Variants in LRRC4C observed in about 807,000 individuals in gnomAD.
The protein encoded by LRRC4C is leucine-rich repeat-containing protein 4C.
LRRC4C carries 5 observed loss-of-function variants against 33.6 expected under a neutral mutation model. The observed-to-expected ratio is 0.15, with a 90% CI of 0.08 to 0.31. LRRC4C has a LOEUF of 0.31. Among genes scored for constraint, LRRC4C ranks in the 10% least tolerant of loss-of-function variants. The pLI, the probability that LRRC4C is intolerant of heterozygous loss-of-function variation, is 1.00. For synonymous variants in LRRC4C, 329 were observed against 302.0 expected (o/e 1.09, Z -0.93); for missense variants, 560 against 796.7 (o/e 0.70, Z 3.58).
At chr11:41,001,628 C>T (rs1273124899) in intron 1 of LRRC4C, among the ~76,000 whole-genome samples, 2 of 152,028 alleles carry the variant, frequency 1.3e-5, no homozygotes, top group South Asian at 2.1e-4. Flanking sequence ...AAAAAATCCA[C>T]CCACATTGCA....
chr11:40,878,260 A>C (rs562922880), intron 2 of LRRC4C, among the ~76,000 whole-genome samples: 1 of 152,248 alleles, frequency 6.6e-6, no homozygotes, highest in South Asian at 2.1e-4. Flanking sequence ...CACCTGCCAC[A>C]GTAAAGCCTG....
chr11:40,929,283 G>T (rs1261738813), intron 2 of LRRC4C, among the ~76,000 whole-genome samples: 1 of 152,002 alleles, frequency 6.6e-6, no homozygotes, highest in Non-Finnish European at 1.5e-5. Flanking sequence ...GTTTATCAAG[G>T]TCTAAAAGAG....
At chr11:40,201,779 A>T (rs771260951) in intron 5 of LRRC4C, among the ~76,000 whole-genome samples, 1 of 152,210 alleles carries the variant, frequency 6.6e-6, no homozygotes, top group Non-Finnish European at 1.5e-5. Context: ...CCACAGCTAC[A>T]TGGGGAAAGA....
chr11:41,091,815 T>C (rs1265731063), intron 1 of LRRC4C, among the ~76,000 whole-genome samples: 1 of 152,162 alleles, frequency 6.6e-6, no homozygotes, highest in Non-Finnish European at 1.5e-5. Flanking sequence ...TAATTTAAGT[T>C]GGACCAATGT....
At chr11:40,243,308 A>G (rs1404366112) in intron 4 of LRRC4C, among the ~76,000 whole-genome samples, 2 of 152,324 alleles carry the variant, frequency 1.3e-5, no homozygotes, top group East Asian at 3.9e-4. Context: ...TGGGCCCAAC[A>G]TAAGCTAAGG....
intron 2 of LRRC4C, among the ~76,000 whole-genome samples, chr11:40,924,746 A>G (rs1957343008): frequency 6.6e-6 from 1 of 152,122 alleles, no homozygotes; most frequent in Admixed American, 6.5e-5. Flanking sequence ...TTGAAATATC[A>G]TATATATATC....
intron 3 of LRRC4C, among the ~76,000 whole-genome samples, chr11:40,634,941 A>G (rs1023459265): frequency 6.6e-6 from 1 of 152,096 alleles, no homozygotes; most frequent in Non-Finnish European, 1.5e-5. Context: ...ATATTTGGCT[A>G]GCAAAAACTT....
At chr11:40,387,636 A>T (rs1949162661) in intron 3 of LRRC4C, among the ~76,000 whole-genome samples, 1 of 152,172 alleles carries the variant, frequency 6.6e-6, no homozygotes, top group Admixed American at 6.5e-5. Context: ...TATTGACATG[A>T]AGGTGACACT....
intron 2 of LRRC4C, among the ~76,000 whole-genome samples, chr11:40,765,841 G>A (rs971219815): frequency 1.3e-5 from 2 of 151,872 alleles, no homozygotes; most frequent in Non-Finnish European, 2.9e-5. Context: ...GTAGAAAATA[G>A]TCTGAAAAAA....
intron 5 of LRRC4C, among the ~76,000 whole-genome samples, chr11:40,230,909 C>T (rs948637569): frequency 1.3e-5 from 2 of 152,168 alleles, no homozygotes; most frequent in Non-Finnish European, 2.9e-5. Context: ...ATGCCCCTTA[C>T]TTTAAAAGGC....
chr11:40,892,433 T>C (rs1297413708), intron 2 of LRRC4C, among the ~76,000 whole-genome samples: 5 of 152,130 alleles, frequency 3.3e-5, no homozygotes, highest in South Asian at 2.1e-4. Flanking sequence ...CCCACTTTTA[T>C]CCAAAGTGGG....
chr11:41,357,752 A>G (rs1952212895), intron 1 of LRRC4C, among the ~76,000 whole-genome samples: 1 of 152,152 alleles, frequency 6.6e-6, no homozygotes, highest in Non-Finnish European at 1.5e-5. Flanking sequence ...ATAACTTTAT[A>G]GTTATTCCAA....
rs138172569 is a variant in LRRC4C, at chr11:40,563,416, A to T, written c.-270+84726T>A. Among the ~76,000 whole-genome samples the T allele has an allele frequency of 3.3e-5, 5 of 152,280 alleles. No individual in the cohort carries two copies. In the South Asian group the frequency reaches 6.2e-4, roughly 19 times the overall value. ...ATGATTCAAACACTGGAAAGGTCTG[A>T]GAGTAACAACACCTACAAGGACGGT... On this transcript the variant is annotated intron_variant, in intron 3 of 6. Coordinates refer to ENST00000528697, the MANE Select transcript of LRRC4C (RefSeq NM_001258419.2).
chr11:40,440,386 C>G (rs983719468), intron 3 of LRRC4C, among the ~76,000 whole-genome samples: 1 of 149,192 alleles, frequency 6.7e-6, no homozygotes, highest in African/African-American at 2.5e-5. Flanking sequence ...ACAATCCCAT[C>G]ATATTTAGGG....
intron 3 of LRRC4C, among the ~76,000 whole-genome samples, chr11:40,489,985 T>A (rs1417120312): frequency 6.6e-6 from 1 of 152,108 alleles, no homozygotes; most frequent in Admixed American, 6.6e-5. Context: ...GTTCATAGTC[T>A]AGCAGAAATA....
Position 40,336,976 on chromosome 11 carries a change from CAAAAAAAAAAAA to C in LRRC4C, c.-269-17267_-269-17256del, listed in dbSNP as rs34144874. Among the ~76,000 whole-genome samples, 20 of 79,254 alleles carry C rather than the reference CAAAAAAAAAAAA, an allele frequency of 2.5e-4. 1 individual carries two copies. Among genetic ancestry groups the C allele is most frequent in the Admixed American group, 1.5e-3 (10 of 6,854 alleles). The allele number at this position is 79,254 out of a possible 152,430, so 52.0% of individuals were successfully genotyped here. On this transcript the variant is annotated intron_variant, in intron 3 of 6. Transcript: ENST00000528697. The stretch of plus-strand genomic sequence containing the variant: ...TGGGGGACAGAGCGAGACTTCGTCT[CAAAAAAAAAAAA>C]AAAAAAAAAAAAAAAAAAGAGCGAA...
intron 3 of LRRC4C, among the ~76,000 whole-genome samples, chr11:40,439,081 C>A (rs1590738063): frequency 6.7e-6 from 1 of 149,382 alleles, no homozygotes; most frequent in South Asian, 2.2e-4. Flanking sequence ...CAGGCACCTG[C>A]CACCACCCCC....
At position 40,903,333 on chromosome 11, in the gene LRRC4C, C is replaced by T. The variant is rs564296982; in HGVS notation, c.-407+30302G>A. 4.6e-5 allele frequency among the ~76,000 whole-genome samples: 7 copies of T among 152,298 alleles called. No individual in the cohort carries two copies. The South Asian group carries it at 1.4e-3, about 32-fold the overall frequency. On this transcript the variant is annotated intron_variant, in intron 2 of 6. Coordinates refer to ENST00000528697, the MANE Select transcript of LRRC4C (RefSeq NM_001258419.2). Reference sequence around the variant, plus strand: ...AAAAATAATTTATTTAAAAACGTTACTGCTGATTGAAAATGCTCCTATTCA... The same window carrying T: ...AAAAATAATTTATTTAAAAACGTTATTGCTGATTGAAAATGCTCCTATTCA...
intron 1 of LRRC4C, among the ~76,000 whole-genome samples, chr11:41,131,240 A>T (rs532793186): frequency 1.3e-5 from 2 of 152,196 alleles, no homozygotes; most frequent in South Asian, 4.1e-4. Flanking sequence ...AAAATTGCTT[A>T]AAGGAGATAT....
Sources: allele counts gnomAD v4.1 joint callset (sites outside exome capture counted in the v4.1 genomes callset), GRCh38; gene constraint gnomAD v4.1.1; transcripts MANE v1.5; gene names NCBI Gene and HGNC (gene_info 2026-07-23, HGNC 2026-07-21).